UBE3C: variants seen among roughly 807,000 people sequenced by gnomAD.
UBE3C encodes ubiquitin protein ligase E3C.
UBE3C carries 42 observed loss-of-function variants against 129.4 expected under a neutral mutation model. The observed-to-expected ratio is 0.32, with a 90% CI of 0.25 to 0.42. UBE3C has a LOEUF of 0.42. Ranked by LOEUF, UBE3C falls within the 10% of genes least tolerant of loss-of-function variation. The probability of loss-of-function intolerance (pLI) is 1.00; values close to 1 mark genes in which losing one functional copy is unlikely to be tolerated. For missense variants in UBE3C, 1,049 were observed against 1,319.1 expected, an observed-to-expected ratio of 0.80 and a Z score of 3.17; for synonymous variants, 510 against 492.4, an observed-to-expected ratio of 1.04 and a Z score of -0.47.
At chr7:157,194,599 A>G (rs1441801161) in intron 10 of UBE3C, among the ~76,000 whole-genome samples, 3 of 152,234 alleles carry the variant, frequency 2.0e-5, no homozygotes, top group African/African-American at 7.2e-5. Flanking sequence ...ACAGACTGTT[A>G]GTAGAAATGT....
intron 22 of UBE3C, among the ~76,000 whole-genome samples, chr7:157,260,711 G>T (rs1796879970): frequency 6.6e-6 from 1 of 152,130 alleles, no homozygotes; most frequent in Non-Finnish European, 1.5e-5. Context: ...TTCATAAAAG[G>T]AAGTTTGGAG....
At chr7:157,198,086 T>C (rs1487895255) in intron 10 of UBE3C, 2 of 1,612,112 alleles carry the variant, frequency 1.2e-6, no homozygotes, top group African/African-American at 2.7e-5. Flanking sequence ...ACTCCAGAAA[T>C]TGAGCATTTG....
At chr7:157,182,644 C>G (rs929761493) in intron 8 of UBE3C, among the ~76,000 whole-genome samples, 4 of 151,850 alleles carry the variant, frequency 2.6e-5, no homozygotes, top group African/African-American at 7.3e-5. Context: ...TGTGCCTCTT[C>G]TAGAATAACA....
At chr7:157,259,349 G>A (rs578234884) in intron 22 of UBE3C, among the ~76,000 whole-genome samples, 3 of 152,340 alleles carry the variant, frequency 2.0e-5, no homozygotes, top group East Asian at 3.9e-4. Context: ...CCATTTTCAA[G>A]GGGTGCAGGC....
intron 13 of UBE3C, among the ~76,000 whole-genome samples, chr7:157,216,142 G>A (rs569844569): frequency 5.9e-4 from 90 of 152,312 alleles, no homozygotes; most frequent in African/African-American, 2.1e-3. Flanking sequence ...GACTCCATTT[G>A]CTTACGTGAG....
intron 10 of UBE3C, among the ~76,000 whole-genome samples, chr7:157,200,209 G>A (rs1809241519): frequency 6.6e-6 from 1 of 152,188 alleles, no homozygotes; most frequent in South Asian, 2.1e-4. Context: ...CTGATTCTAG[G>A]AAATTTCACA....
intron 19 of UBE3C, among the ~76,000 whole-genome samples, chr7:157,253,377 G>A (rs148783219): frequency 1.3e-3 from 196 of 152,288 alleles, no homozygotes; most frequent in African/African-American, 4.4e-3. Flanking sequence ...GTATAGCCAC[G>A]TACTAATAAA....
rs186919890 is a variant in UBE3C at position 157,144,414 on chromosome 7, G to A, written c.66+5076G>A. On this transcript the variant is annotated intron_variant, in intron 1 of 22. Transcript: ENST00000348165. ...ATAGTTTTGTCTGTTTTGGGAGACGGGGGAAACTTAAGTTTATAGACTGGG... is the reference window on the plus strand; with the variant it reads ...ATAGTTTTGTCTGTTTTGGGAGACGAGGGAAACTTAAGTTTATAGACTGGG... Among the ~76,000 whole-genome samples the A allele has an allele frequency of 2.0e-3, 305 of 152,284 alleles. 1 individual carries two copies. The highest frequency in any genetic ancestry group is 7.1e-3 in the African/African-American group (296 of 41,538).
intron 10 of UBE3C, among the ~76,000 whole-genome samples, chr7:157,189,550 C>T (rs1808896944): frequency 1.3e-5 from 2 of 152,160 alleles, no homozygotes; most frequent in Admixed American, 1.3e-4. Flanking sequence ...TTCAGAGTTT[C>T]ATTGACTGCA....
At chr7:157,239,360 A>G (rs1232459241) in intron 18 of UBE3C, among the ~76,000 whole-genome samples, 3 of 152,176 alleles carry the variant, frequency 2.0e-5, no homozygotes, top group Non-Finnish European at 4.4e-5. Context: ...ATTTTGTCAG[A>G]TTTCATTTAT....
At chr7:157,236,074 C>T (rs1435821827) in intron 18 of UBE3C, among the ~76,000 whole-genome samples, 1 of 152,220 alleles carries the variant, frequency 6.6e-6, no homozygotes, top group Non-Finnish European at 1.5e-5. Context: ...AGTGATCCTG[C>T]AGAGGAAGAA....
chr7:157,216,508 C>A (rs1199638559), intron 13 of UBE3C, among the ~76,000 whole-genome samples: 1 of 152,012 alleles, frequency 6.6e-6, no homozygotes, highest in Non-Finnish European at 1.5e-5. Context: ...CCTCCTCCCA[C>A]CCTCCCCCTT....
chr7:157,236,564 GA>G (rs1264311545), intron 18 of UBE3C, among the ~76,000 whole-genome samples: 1 of 152,148 alleles, frequency 6.6e-6, no homozygotes, highest in Non-Finnish European at 1.5e-5. Flanking sequence ...TCAAAAGTTG[GA>G]AAGTTTCTTT....
chr7:157,210,049 C>T (rs577530801), intron 13 of UBE3C, among the ~76,000 whole-genome samples: 118 of 152,220 alleles, frequency 7.8e-4, no homozygotes, highest in African/African-American at 2.5e-3. Context: ...GCGTGATGTA[C>T]GCCTGTAATC....
At chr7:157,198,047 C>T in intron 10 of UBE3C, 1 of 1,607,636 alleles carries the variant, frequency 6.2e-7, no homozygotes, top group South Asian at 1.1e-5. Flanking sequence ...GGCACTGAAG[C>T]TCCAGGGGGA....
At chr7:157,248,243 G>T in intron 18 of UBE3C, 125 bp from the exon 19 acceptor site, 1 of 845,140 alleles carries the variant, frequency 1.2e-6, no homozygotes, top group East Asian at 2.6e-5. Flanking sequence ...TTCCATCTTC[G>T]GTACTATGAG....
intron 6 of UBE3C, 128 bp from the exon 7 acceptor site, chr7:157,181,390 C>T (rs538040444): frequency 5.6e-4 from 440 of 781,216 alleles, no homozygotes; most frequent in Non-Finnish European, 8.0e-4. Context: ...GTTTTCCTTG[C>T]TAGCATGTTA....
At chr7:157,258,173 C>T (rs1796804473) in intron 22 of UBE3C, among the ~76,000 whole-genome samples, 1 of 151,980 alleles carries the variant, frequency 6.6e-6, no homozygotes, top group Non-Finnish European at 1.5e-5. Context: ...CCTCCAACTC[C>T]TGGGCCCAAG....
rs902374054 is a variant in UBE3C at position 157,197,507 on chromosome 7, T to C, written c.1332-4214T>C. The C allele has an allele frequency of 6.5e-5, 53 of 819,424 alleles. No individual in the cohort carries two copies. In the African/African-American group the frequency reaches 8.1e-4, roughly 13 times the overall value. The allele number at this position is 819,424 out of a possible 1,614,324, so 50.8% of individuals were successfully genotyped here. ...TATCTGTAAAAATAATAAAAATAATTTGTTTTTTTTTTTTTTTAATGCTGG... is the reference window on the plus strand; with the variant it reads ...TATCTGTAAAAATAATAAAAATAATCTGTTTTTTTTTTTTTTTAATGCTGG... On this transcript the variant is annotated intron_variant, in intron 10 of 22. Coordinates refer to ENST00000348165, the MANE Select transcript of UBE3C (RefSeq NM_014671.3).
Sources: gnomAD v4.1 joint callset for allele counts (sites outside exome capture counted in the v4.1 genomes callset) on GRCh38, gnomAD v4.1.1 for gene constraint, MANE v1.5 for transcripts, NCBI Gene and HGNC (gene_info 2026-07-23, HGNC 2026-07-21) for gene names.